CAPZB: variants seen among roughly 807,000 people sequenced by gnomAD.
CAPZB encodes the protein capping actin protein of muscle Z-line subunit beta.
Under a neutral mutation model 38.1 loss-of-function variants are expected in CAPZB, and 2 were observed. That is an observed-to-expected ratio of 0.05 (90% CI 0.02 to 0.17). CAPZB has a LOEUF of 0.17. Ranked by LOEUF, CAPZB falls within the 10% of genes least tolerant of loss-of-function variation. The pLI, the probability that CAPZB is intolerant of heterozygous loss-of-function variation, is 1.00. For synonymous variants in CAPZB, 107 were observed against 127.4 expected, an observed-to-expected ratio of 0.84 and a Z score of 1.08; for missense variants, 161 against 334.2, an observed-to-expected ratio of 0.48 and a Z score of 4.04.
intron 1 of CAPZB, among the ~76,000 whole-genome samples, chr1:19,433,211 A>G (rs2094447984): frequency 6.6e-6 from 1 of 152,182 alleles, no homozygotes; most frequent in Admixed American, 6.5e-5. Context: ...ACACATAATT[A>G]TGGGCAATCC....
At chr1:19,344,762 C>T (rs970189332) in intron 7 of CAPZB, among the ~76,000 whole-genome samples, 23 of 152,324 alleles carry the variant, frequency 1.5e-4, no homozygotes, top group Middle Eastern at 3.4e-3. Flanking sequence ...CTGTGAAACC[C>T]GAGAGCACCT....
At position 19,460,618 on chromosome 1, in the gene CAPZB, G is replaced by A. The variant is rs1443240122; in HGVS notation, c.3+24818C>T. ...TTTTTGTATTTTTGGTGGAGATGTT[G>A]CCCCGGCTGGTCTCAAGCTCCTGAG... On this transcript the variant is annotated intron_variant, in intron 1 of 8. Coordinates refer to ENST00000264202, the MANE Select transcript of CAPZB (RefSeq NM_004930.5). 2.6e-5 allele frequency among the ~76,000 whole-genome samples: 3 copies of A among 114,608 alleles called. No homozygotes were observed. In the East Asian group the frequency reaches 8.4e-4, roughly 32 times the overall value. 75.2% of individuals were successfully genotyped at this position (114,608 alleles called of 152,430 possible).
At chr1:19,431,107 C>G (rs2094440372) in intron 1 of CAPZB, among the ~76,000 whole-genome samples, 1 of 152,194 alleles carries the variant, frequency 6.6e-6, no homozygotes, top group Non-Finnish European at 1.5e-5. Context: ...TGAGACATCA[C>G]ATAATGGCAA....
intron 1 of CAPZB, among the ~76,000 whole-genome samples, chr1:19,437,612 G>A (rs1409510446): frequency 6.6e-6 from 1 of 152,138 alleles, no homozygotes; most frequent in Non-Finnish European, 1.5e-5. Context: ...ATCAGGAACA[G>A]AACACCATGG....
chr1:19,455,804 C>T (rs992826062), intron 1 of CAPZB, among the ~76,000 whole-genome samples: 1 of 152,252 alleles, frequency 6.6e-6, no homozygotes, highest in Non-Finnish European at 1.5e-5. Flanking sequence ...GGCTACAACA[C>T]ATACACTTCC....
At chr1:19,468,997 A>T (rs537533380) in intron 1 of CAPZB, among the ~76,000 whole-genome samples, 18 of 152,292 alleles carry the variant, frequency 1.2e-4, no homozygotes, top group Admixed American at 9.2e-4. Context: ...CGTCTGTCTG[A>T]CTGGCTCCCA....
intron 1 of CAPZB, among the ~76,000 whole-genome samples, chr1:19,436,143 G>A (rs2094457518): frequency 6.6e-6 from 1 of 152,174 alleles, no homozygotes; most frequent in African/African-American, 2.4e-5. Context: ...GTCAACCATG[G>A]TCTGAAAATA....
At chr1:19,470,945 A>G (rs2094584968) in intron 1 of CAPZB, among the ~76,000 whole-genome samples, 1 of 152,204 alleles carries the variant, frequency 6.6e-6, no homozygotes. Context: ...CTGAATGCTA[A>G]GGCTGAGGTG....
intron 4 of CAPZB, among the ~76,000 whole-genome samples, chr1:19,371,675 C>G (rs1040155586): frequency 6.6e-6 from 1 of 152,102 alleles, no homozygotes; most frequent in Non-Finnish European, 1.5e-5. Flanking sequence ...TGGGAAGCCC[C>G]CCAGCACCTC....
chr1:19,448,405 T>A (rs921920542), intron 1 of CAPZB, among the ~76,000 whole-genome samples: 3 of 152,206 alleles, frequency 2.0e-5, no homozygotes, highest in Non-Finnish European at 4.4e-5. Context: ...TGTTTAGAGA[T>A]GGAAAATAAT....
At chr1:19,456,765 C>T (rs1017446594) in intron 1 of CAPZB, among the ~76,000 whole-genome samples, 1 of 152,178 alleles carries the variant, frequency 6.6e-6, no homozygotes, top group African/African-American at 2.4e-5. Flanking sequence ...GCTCAGATCA[C>T]AGGAATCCCA....
intron 1 of CAPZB, among the ~76,000 whole-genome samples, chr1:19,441,932 C>T (rs150708563): frequency 0.19 from 26,353 of 141,304 alleles, 2,631 homozygotes; most frequent in South Asian, 0.31. Context: ...TTGCTTGAAC[C>T]GGGGAGGCGG....
chr1:19,466,316 G>A (rs2094569045), intron 1 of CAPZB, among the ~76,000 whole-genome samples: 1 of 152,204 alleles, frequency 6.6e-6, no homozygotes, highest in African/African-American at 2.4e-5. Flanking sequence ...CTTTGCACTA[G>A]ACCAGGCTGC....
At chr1:19,383,130 AAAG>A (rs1362953621) in intron 3 of CAPZB, among the ~76,000 whole-genome samples, 3 of 151,826 alleles carry the variant, frequency 2.0e-5, no homozygotes, top group African/African-American at 4.8e-5. Context: ...AAAAAAAAAA[AAAG>A]GAGAGAGAAA....
chr1:19,344,528 G>C (rs1284930293), intron 7 of CAPZB, 94 bp from the exon 8 acceptor site: 4 of 960,290 alleles, frequency 4.2e-6, no homozygotes, highest in Non-Finnish European at 6.8e-6. Context: ...TCCCCAGTGT[G>C]GCCACTGGAG....
chr1:19,448,028 C>A lies in CAPZB; in HGVS notation c.4-28278G>T, dbSNP rs140955558. On this transcript the variant is annotated intron_variant, in intron 1 of 8. Transcript: ENST00000264202. ...TCGAGGGAACTGTGAAACACACTCCCCCAGGAGTGGGTGGAGCTCAGGACA... is the reference window on the plus strand; with the variant it reads ...TCGAGGGAACTGTGAAACACACTCCACCAGGAGTGGGTGGAGCTCAGGACA... Among the ~76,000 whole-genome samples the A allele has an allele frequency of 8.2e-3, 1,247 of 152,318 alleles. 9 individuals are homozygous for A. The highest frequency in any genetic ancestry group is 0.027 in the African/African-American group (1,141 of 41,558).
chr1:19,436,559 A>G (rs1014165862), intron 1 of CAPZB, among the ~76,000 whole-genome samples: 1 of 152,208 alleles, frequency 6.6e-6, no homozygotes, highest in Non-Finnish European at 1.5e-5. Context: ...TTTTGAAGGA[A>G]AAGAAATTTG....
At chr1:19,341,674 G>T (rs1388828850) in intron 8 of CAPZB, among the ~76,000 whole-genome samples, 1 of 152,170 alleles carries the variant, frequency 6.6e-6, no homozygotes, top group East Asian at 1.9e-4. Context: ...GGCGGCCAGG[G>T]AACTGCACCA....
chr1:19,434,453 G>A (rs762499626), intron 1 of CAPZB, among the ~76,000 whole-genome samples: 1 of 150,816 alleles, frequency 6.6e-6, no homozygotes, highest in Admixed American at 6.6e-5. Flanking sequence ...GGCTGGGCAT[G>A]GTGGCTCACA....
Sources: allele counts gnomAD v4.1 joint callset (sites outside exome capture counted in the v4.1 genomes callset), GRCh38; gene constraint gnomAD v4.1.1; transcripts MANE v1.5; gene names NCBI Gene and HGNC (gene_info 2026-07-23, HGNC 2026-07-21).